The following SLC35F2 variants were observed in gnomAD, a reference collection of about 807,000 sequenced individuals.
SLC35F2 encodes the protein queuine/queuosine transporter SLC35F2.
A neutral mutation model predicts 38.1 loss-of-function variants in SLC35F2; 25 were observed. The ratio of observed to expected loss-of-function variants is 0.66; its 90% CI spans 0.48 to 0.92. The LOEUF is 0.92. SLC35F2 is among the 40% of genes least tolerant of loss of function. The probability of loss-of-function intolerance (pLI) is 0.00; values close to 1 mark genes in which losing one functional copy is unlikely to be tolerated. For synonymous variants in SLC35F2, 173 were observed against 181.7 expected, an observed-to-expected ratio of 0.95 and a Z score of 0.38; for missense variants, 409 against 452.9, an observed-to-expected ratio of 0.90 and a Z score of 0.88.
chr11:107,843,864 AAAAAATATATATATATATATAT>A (rs1288429045), intron 1 of SLC35F2, among the ~76,000 whole-genome samples: 5 of 35,064 alleles, frequency 1.4e-4, no homozygotes, highest in African/African-American at 4.1e-4. Flanking sequence ...AAAAAAAAAA[AAAAAATATATATATATATATAT>A]ATATATATAT....
At chr11:107,834,601 G>C (rs1591202992) in intron 1 of SLC35F2, among the ~76,000 whole-genome samples, 1 of 152,144 alleles carries the variant, frequency 6.6e-6, no homozygotes, top group East Asian at 1.9e-4. Flanking sequence ...AGTGAGCCGA[G>C]ATCGCGCTAT....
intron 7 of SLC35F2, among the ~76,000 whole-genome samples, chr11:107,799,399 C>T (rs770447574): frequency 5.3e-5 from 8 of 152,156 alleles, no homozygotes; most frequent in Non-Finnish European, 1.2e-4. Flanking sequence ...CCAAAGCCGG[C>T]CACCAACTGG....
chr11:107,822,059 G>A (rs1859679760), intron 1 of SLC35F2, among the ~76,000 whole-genome samples: 1 of 152,192 alleles, frequency 6.6e-6, no homozygotes. Flanking sequence ...CCAACATGGT[G>A]AAACCCCATA....
At position 107,815,076 on chromosome 11, in the gene SLC35F2, T is replaced by TA. The variant is rs1183825338; in HGVS notation, c.286+713dup. ...CTGGGTGACAGAGTGAGACTCTGTA[T>TA]AAAAAAAAAGAGAGAGAGACCTGAG... On this transcript the variant is annotated intron_variant, in intron 2 of 7. Transcript: ENST00000525815. Among the ~76,000 whole-genome samples the TA allele has an allele frequency of 6.3e-3, 947 of 150,956 alleles. 10 individuals carry two copies. The highest frequency in any genetic ancestry group is 0.021 in the African/African-American group (884 of 41,216).
intron 3 of SLC35F2, chr11:107,810,691 C>T (rs1234912691): frequency 2.0e-6 from 2 of 984,434 alleles, no homozygotes; most frequent in Non-Finnish European, 2.4e-6. Context: ...AAGAGGTTTC[C>T]TGAGAACAAT....
chr11:107,800,534 G>C (rs1859290593), intron 7 of SLC35F2, among the ~76,000 whole-genome samples: 1 of 152,148 alleles, frequency 6.6e-6, no homozygotes. Context: ...CTGCTCAAAT[G>C]ACTGTCAAGA....
intron 7 of SLC35F2, among the ~76,000 whole-genome samples, chr11:107,798,032 C>G (rs371166845): frequency 6.6e-6 from 1 of 151,756 alleles, no homozygotes; most frequent in Non-Finnish European, 1.5e-5. Flanking sequence ...GAGACAGAGT[C>G]TTGCTCTATC....
intron 1 of SLC35F2, among the ~76,000 whole-genome samples, chr11:107,856,317 C>A (rs1043382398): frequency 6.6e-6 from 1 of 152,146 alleles, no homozygotes; most frequent in Non-Finnish European, 1.5e-5. Context: ...AGGAGCCAGG[C>A]TCTGTCTGCC....
At chr11:107,809,921 A>G (rs993531925) in intron 3 of SLC35F2, 1 of 985,294 alleles carries the variant, frequency 1.0e-6, no homozygotes, top group African/African-American at 1.7e-5. Flanking sequence ...ATGAGTGGGA[A>G]ATGGGTTGAT....
At chr11:107,839,005 T>TATACTG (rs1269715770) in intron 1 of SLC35F2, among the ~76,000 whole-genome samples, 16 of 152,318 alleles carry the variant, frequency 1.1e-4, no homozygotes, top group Non-Finnish European at 2.1e-4. Context: ...TGAAAAATAG[T>TATACTG]TGTAACAGTT....
rs10664346 is a variant in SLC35F2 at position 107,794,083 on chromosome 11, C to CTT, written c.940-1285_940-1284dup. Among the ~76,000 whole-genome samples, 740 of 137,962 alleles carry CTT rather than the reference C, an allele frequency of 5.4e-3. 7 individuals are homozygous for CTT. The highest frequency in any genetic ancestry group is 0.019 in the African/African-American group (693 of 37,162). The allele number at this position is 137,962 out of a possible 152,430, so 90.5% of individuals were successfully genotyped here. On this transcript the variant is annotated intron_variant, in intron 7 of 7. Transcript: ENST00000525815. ...TTAAAGAAATCAGTCTGTATTTTTT[C>CTT]TTTTTTTTTTTTTTTTAGACAGAGT...
In SLC35F2 at chr11:107,843,864, AAAAAATATATAT is replaced by A. The variant is rs1191963240; in HGVS notation, c.110+14782_110+14793del. Among the ~76,000 whole-genome samples the A allele has an allele frequency of 3.2e-3, 113 of 35,036 alleles. 1 individual carries two copies. The highest frequency in any genetic ancestry group is 5.8e-3 in the South Asian group (5 of 864). The allele number at this position is 35,036 out of a possible 152,430, so 23.0% of individuals were successfully genotyped here. ...TGTATCTTAAAAAAAAAAAAAAAAA[AAAAAATATATAT>A]ATATATATATATATATATATATATA... is the stretch of plus-strand genomic sequence containing the variant. On this transcript the variant is annotated intron_variant, in intron 1 of 7. Transcript: ENST00000525815.
At chr11:107,815,769 T>G in intron 2 of SLC35F2, 21 bp downstream of exon 2, 1 of 1,569,482 alleles carries the variant, frequency 6.4e-7, no homozygotes, top group Non-Finnish European at 8.6e-7. Context: ...GTTGAAAAGA[T>G]AATTTCCACA....
intron 3 of SLC35F2, among the ~76,000 whole-genome samples, chr11:107,808,764 A>G (rs1859435747): frequency 1.3e-5 from 2 of 152,234 alleles, no homozygotes; most frequent in Admixed American, 1.3e-4. Flanking sequence ...CTGCCTGAAT[A>G]ACAAAACATT....
At chr11:107,837,354 G>C (rs1229960729) in intron 1 of SLC35F2, among the ~76,000 whole-genome samples, 1 of 152,000 alleles carries the variant, frequency 6.6e-6, no homozygotes, top group African/African-American at 2.4e-5. Context: ...ATCCAAATAT[G>C]ATTCCAAAGC....
At chr11:107,831,769 C>G (rs527829974) in intron 1 of SLC35F2, among the ~76,000 whole-genome samples, 40 of 152,310 alleles carry the variant, frequency 2.6e-4, no homozygotes, top group African/African-American at 8.4e-4. Context: ...GCAAGAGCTA[C>G]TTTCTCCAGA....
chr11:107,829,137 G>GAA (rs145609131), intron 1 of SLC35F2, among the ~76,000 whole-genome samples: 2 of 128,682 alleles, frequency 1.6e-5, no homozygotes, highest in South Asian at 2.6e-4. Flanking sequence ...AAAAAAAAAA[G>GAA]AAAAAAAAAA....
chr11:107,816,839 G>A (rs1009197191), intron 1 of SLC35F2, among the ~76,000 whole-genome samples: 1 of 152,154 alleles, frequency 6.6e-6, no homozygotes, highest in African/African-American at 2.4e-5. Flanking sequence ...TGGAAGAAAG[G>A]ATTGGATTGG....
At chr11:107,797,074 A>C (rs1012737311) in intron 7 of SLC35F2, among the ~76,000 whole-genome samples, 2 of 152,134 alleles carry the variant, frequency 1.3e-5, no homozygotes, top group Non-Finnish European at 2.9e-5. Context: ...AATGATAAAT[A>C]CTCGAGGTGA....
Sources: allele counts gnomAD v4.1 joint callset (sites outside exome capture counted in the v4.1 genomes callset), GRCh38; gene constraint gnomAD v4.1.1; transcripts MANE v1.5; gene names NCBI Gene and HGNC (gene_info 2026-07-23, HGNC 2026-07-21).